CERS6: variants seen among roughly 807,000 people sequenced by gnomAD.
CERS6 encodes the protein ceramide synthase 6.
Under a neutral mutation model 56.8 loss-of-function variants are expected in CERS6, and 26 were observed. That is an observed-to-expected ratio of 0.46 (90% CI 0.34 to 0.63). CERS6 has a LOEUF of 0.63. Ranked by LOEUF, CERS6 falls within the 30% of genes least tolerant of loss-of-function variation. The pLI, the probability that CERS6 is intolerant of heterozygous loss-of-function variation, is 0.01. For synonymous variants in CERS6, 164 were observed against 173.3 expected (o/e 0.95, Z 0.42); for missense variants, 415 against 467.5 (o/e 0.89, Z 1.04).
chr2:168,747,107 C>T (rs1017069185), intron 8 of CERS6, among the ~76,000 whole-genome samples: 21 of 151,690 alleles, frequency 1.4e-4, no homozygotes, highest in East Asian at 3.9e-4. Flanking sequence ...AGCAAGACCT[C>T]GTCTCTATTA....
chr2:168,559,735 A>T lies in CERS6; in HGVS notation c.277-1457A>T, dbSNP rs183948182. 3.2e-3 allele frequency among the ~76,000 whole-genome samples: 300 copies of T among 95,170 alleles called. 33 individuals are homozygous for T. The highest frequency in any genetic ancestry group is 0.012 in the African/African-American group (270 of 23,428). The allele number at this position is 95,170 out of a possible 152,430, so 62.4% of individuals were successfully genotyped here. On this transcript the variant is annotated intron_variant, in intron 2 of 9. Coordinates refer to ENST00000305747, the MANE Select transcript of CERS6 (RefSeq NM_203463.3). ...CTTGAGCTGCTTTTAGAAAGGTATC[A>T]TATATATATATATATATATTTCACC...
chr2:168,737,627 G>A lies in CERS6; in HGVS notation c.845+19649G>A, dbSNP rs1034282831. Among the ~76,000 whole-genome samples, 4 of 152,214 alleles carry A rather than the reference G, an allele frequency of 2.6e-5. No individual in the cohort carries two copies. The East Asian group carries it at 7.7e-4, about 29-fold the overall frequency. The stretch of plus-strand genomic sequence containing the variant: ...AGTGTCTGTTGAGCTTGAAATGCGA[G>A]TGTGGATGCCAAGGATTTTGCTCTG... On this transcript the variant is annotated intron_variant, in intron 8 of 9. Coordinates refer to ENST00000305747, the MANE Select transcript of CERS6 (RefSeq NM_203463.3).
chr2:168,671,201 A>G (rs1328007785), intron 4 of CERS6, among the ~76,000 whole-genome samples: 1 of 151,768 alleles, frequency 6.6e-6, no homozygotes, highest in Non-Finnish European at 1.5e-5. Flanking sequence ...TCCTGACCTC[A>G]TGATCCACCT....
intron 4 of CERS6, among the ~76,000 whole-genome samples, chr2:168,653,183 G>A (rs769927076): frequency 7.2e-5 from 11 of 152,128 alleles, no homozygotes; most frequent in Non-Finnish European, 1.3e-4. Context: ...AGGTCCCTCC[G>A]AAGAAAAATA....
At chr2:168,589,713 T>C (rs1193164522) in intron 3 of CERS6, among the ~76,000 whole-genome samples, 1 of 152,254 alleles carries the variant, frequency 6.6e-6, no homozygotes, top group Non-Finnish European at 1.5e-5. Flanking sequence ...GCTTAATTTA[T>C]TAAAGATGTC....
chr2:168,692,493 A>G (rs539328986), intron 5 of CERS6, among the ~76,000 whole-genome samples: 2 of 152,190 alleles, frequency 1.3e-5, no homozygotes, highest in South Asian at 2.1e-4. Context: ...GCTATGGTCT[A>G]TACTGTAGCT....
chr2:168,516,547 C>T (rs1694887812), intron 1 of CERS6, among the ~76,000 whole-genome samples: 1 of 152,140 alleles, frequency 6.6e-6, no homozygotes, highest in African/African-American at 2.4e-5. Context: ...GCCACAGTGC[C>T]TTCATTGATA....
chr2:168,645,090 T>TAA (rs869245569), intron 4 of CERS6, among the ~76,000 whole-genome samples: 2 of 23,152 alleles, frequency 8.6e-5, no homozygotes, highest in African/African-American at 2.3e-4. Flanking sequence ...GACTGCATCT[T>TAA]AAAAAAAAAA....
chr2:168,597,450 C>T lies in CERS6; in HGVS notation c.408-33535C>T, dbSNP rs144600130. Among the ~76,000 whole-genome samples the T allele has an allele frequency of 2.8e-4, 42 of 152,262 alleles. 2 individuals carry two copies. The highest frequency in any genetic ancestry group is 1.0e-3 in the South Asian group (5 of 4,820). ...AATGAATCTGTCGGATGACCACTCC[C>T]GGATTCCTTAGCTCAGAACTCTGAA... On this transcript the variant is annotated intron_variant, in intron 3 of 9. Transcript: ENST00000305747.
At chr2:168,478,642 C>T (rs1694121964) in intron 1 of CERS6, among the ~76,000 whole-genome samples, 1 of 152,148 alleles carries the variant, frequency 6.6e-6, no homozygotes, top group Admixed American at 6.5e-5. Context: ...AGGTGATTCT[C>T]GTGCATGTGA....
intron 3 of CERS6, among the ~76,000 whole-genome samples, chr2:168,574,372 G>T (rs1282901249): frequency 7.8e-4 from 3 of 3,824 alleles, no homozygotes; most frequent in African/African-American, 1.0e-3. Context: ...AATAAGTTTT[G>T]TGTGTGTGTG....
intron 3 of CERS6, among the ~76,000 whole-genome samples, chr2:168,574,136 C>T (rs910123442): frequency 1.3e-5 from 2 of 152,166 alleles, no homozygotes; most frequent in African/African-American, 4.8e-5. Flanking sequence ...ATGTGTCCAA[C>T]TTGAACTAAT....
intron 4 of CERS6, among the ~76,000 whole-genome samples, chr2:168,669,143 G>C (rs1202655103): frequency 6.6e-6 from 1 of 152,192 alleles, no homozygotes; most frequent in Non-Finnish European, 1.5e-5. Context: ...GTTCCATTAT[G>C]TTATTAAGGA....
intron 8 of CERS6, among the ~76,000 whole-genome samples, chr2:168,726,702 A>G (rs539959558): frequency 6.8e-4 from 104 of 152,360 alleles, no homozygotes; most frequent in Middle Eastern, 3.4e-3. Flanking sequence ...GTGTAATAGT[A>G]TTTTACAAAC....
At chr2:168,721,121 C>T (rs1053899761) in intron 8 of CERS6, among the ~76,000 whole-genome samples, 3 of 152,178 alleles carry the variant, frequency 2.0e-5, no homozygotes, top group Non-Finnish European at 2.9e-5. Flanking sequence ...ATTCTTCCCT[C>T]GTACCATCCC....
Position 168,715,135 on chromosome 2 carries a change from A to T in CERS6, c.738+6A>T, listed in dbSNP as rs755225302. 9 of 1,602,434 alleles carry T rather than the reference A, an allele frequency of 5.6e-6. 1 individual carries two copies. In the Admixed American group the frequency reaches 1.6e-4, roughly 28 times the overall value. On this transcript the variant is annotated splice_donor_region_variant and intron_variant, in intron 7 of 9. Coordinates refer to ENST00000305747, the MANE Select transcript of CERS6 (RefSeq NM_203463.3). ...CAGCTGATGCTCTTCTGGAGGTAAA[A>T]GTTTTCTTTCATCTTTAAGAATACA...
intron 5 of CERS6, among the ~76,000 whole-genome samples, chr2:168,693,527 C>A (rs1008271533): frequency 2.6e-5 from 4 of 152,124 alleles, no homozygotes; most frequent in Non-Finnish European, 4.4e-5. Context: ...TTCTAAACTT[C>A]ATTTCAGCCA....
chr2:168,714,967 A>G (rs1574184881), intron 6 of CERS6, 34 bp from the exon 7 acceptor site: 1 of 1,578,314 alleles, frequency 6.3e-7, no homozygotes, highest in Admixed American at 1.9e-5. Context: ...TGATGTTGCT[A>G]AACTCTAATA....
At chr2:168,734,102 G>C (rs1441428439) in intron 8 of CERS6, among the ~76,000 whole-genome samples, 1 of 152,106 alleles carries the variant, frequency 6.6e-6, no homozygotes, top group Non-Finnish European at 1.5e-5. Context: ...GTTATGCTTT[G>C]GCAATCATGA....
Sources: allele counts gnomAD v4.1 joint callset (sites outside exome capture counted in the v4.1 genomes callset), GRCh38; gene constraint gnomAD v4.1.1; transcripts MANE v1.5; gene names NCBI Gene and HGNC (gene_info 2026-07-23, HGNC 2026-07-21).